MATN4: variants seen among roughly 807,000 people sequenced by gnomAD.
MATN4 encodes the protein matrilin-4.
Under a neutral mutation model 54.6 loss-of-function variants are expected in MATN4, and 40 were observed. The ratio of observed to expected loss-of-function variants is 0.73; its 90% CI spans 0.57 to 0.95. MATN4 has a LOEUF of 0.95. Ranked by LOEUF, MATN4 falls within the 40% of genes least tolerant of loss-of-function variation. MATN4 has a pLI of 0.00. For missense variants in MATN4, 810 were observed against 819.1 expected, an observed-to-expected ratio of 0.99 and a Z score of 0.13; for synonymous variants, 351 against 345.3, an observed-to-expected ratio of 1.02 and a Z score of -0.18.
chr20:45,304,558 C>T lies in MATN4; in HGVS notation c.313G>A (p.Val105Met). 1 of 1,597,246 alleles carries T rather than the reference C, an allele frequency of 6.3e-7. No homozygotes were observed. Among genetic ancestry groups the T allele is most frequent in the African/African-American group, 1.3e-5 (1 of 74,748 alleles). Reference protein sequence around the residue: ...EDMERAIRDLVPLAQGTMTGL... With the variant: ...EDMERAIRDLMPLAQGTMTGL... ...GTCATGGTGCCTTGCGCCAGAGGCA[C>T]CAGGTCGCGGATGGCGCGCTCCATG... The change falls in exon 3 of 10, where the codon GTG (valine) becomes ATG (methionine). Residue 105 changes from valine to methionine, a missense_variant. Coordinates refer to ENST00000372756, the MANE Select transcript of MATN4 (RefSeq NM_001393530.1).
At chr20:45,294,947 G>T (rs1312633299) in intron 8 of MATN4, among the ~76,000 whole-genome samples, 3 of 152,172 alleles carry the variant, frequency 2.0e-5, no homozygotes. Flanking sequence ...AGGGATCTAG[G>T]TTGCAGGCTT....
rs752477576 is a variant in MATN4 at position 45,301,021 on chromosome 20, G to A, written c.890-12C>T. ...GCAAAGGTCCCGGACTGAAAGGAGAGACAGGTCAGGATGAGTCAGGATGGA... is the reference window on the plus strand; with the variant it reads ...GCAAAGGTCCCGGACTGAAAGGAGAAACAGGTCAGGATGAGTCAGGATGGA... On this transcript the variant is annotated splice_polypyrimidine_tract_variant and intron_variant, in intron 5 of 9. Coordinates refer to ENST00000372756, the MANE Select transcript of MATN4 (RefSeq NM_001393530.1). The A allele has an allele frequency of 2.5e-6, 4 of 1,614,118 alleles. No homozygotes were observed. In the South Asian group the frequency reaches 4.4e-5, roughly 18 times the overall value.
rs775350186 is a variant in MATN4, at chr20:45,297,985, C to T, written c.1512G>A (p.Val504=). 1 of 1,614,182 alleles carries T rather than the reference C, an allele frequency of 6.2e-7. No homozygotes were observed. ...EIASEPAELH[V]SYAPDFGTMT... ...TGGTGCCGAAGTCCGGGGCATAGGACACGTGCAGTTCCGCTGGCTCCGAGG... is the reference window on the plus strand; with the variant it reads ...TGGTGCCGAAGTCCGGGGCATAGGATACGTGCAGTTCCGCTGGCTCCGAGG... Residue 504 remains valine, a synonymous_variant, in exon 8 of 10, where the codon GTG becomes GTA. Coordinates refer to ENST00000372756, the MANE Select transcript of MATN4 (RefSeq NM_001393530.1).
chr20:45,308,201 G>T lies in MATN4; in HGVS notation c.-61C>A, dbSNP rs148047841. ...TGAGCCTGCAGGACAGATCAGAGAT[G>T]CAGCTGCAGAGCGAAGCCGACAGGC... is the stretch of plus-strand genomic sequence containing the variant. On this transcript the variant is annotated 5_prime_UTR_variant, in exon 1 of 10. Transcript: ENST00000372756. 1.0e-4 allele frequency: 162 copies of T among 1,614,016 alleles called. No homozygotes were observed. Among genetic ancestry groups the T allele is most frequent in the Non-Finnish European group, 1.3e-4 (156 of 1,179,976 alleles).
intron 8 of MATN4, among the ~76,000 whole-genome samples, chr20:45,296,447 C>A (rs1375368912): frequency 2.0e-5 from 3 of 152,136 alleles, no homozygotes; most frequent in African/African-American, 7.2e-5. Flanking sequence ...GCAAAGACCC[C>A]TAACTTCACA....
chr20:45,301,467 T>A (rs1986229821), intron 3 of MATN4, 24 bp from the exon 4 acceptor site: 5 of 1,609,242 alleles, frequency 3.1e-6, no homozygotes, highest in Non-Finnish European at 3.4e-6. Flanking sequence ...GGGGTCAGTC[T>A]ATGCCCAGGA....
rs192697513 is a variant in MATN4, at chr20:45,305,362, C to T, written c.73+148G>A. 2.1e-3 allele frequency: 1,183 copies of T among 562,060 alleles called. 3 individuals are homozygous for T. The highest frequency in any genetic ancestry group is 3.0e-3 in the Non-Finnish European group (979 of 322,126). The allele number at this position is 562,060 out of a possible 1,614,324, so 34.8% of individuals were successfully genotyped here. ...CATCCTACAGATGAAGAAACTGAGG[C>T]CCAGAAAGGTGAAGTGGGGAACTTA... On this transcript the variant is annotated intron_variant, in intron 2 of 9. Coordinates refer to ENST00000372756, the MANE Select transcript of MATN4 (RefSeq NM_001393530.1).
chr20:45,304,686 C>G lies in MATN4; in HGVS notation c.185G>C (p.Arg62Pro), dbSNP rs912374134. The change falls in exon 3 of 10, where the codon CGA (arginine) becomes CCA (proline). Residue 62 changes from arginine (R) to proline (P), a missense_variant. Transcript: ENST00000372756. Reference protein sequence around the residue: ...TMRQFLMGLLRGLNVGPNATR... With the variant: ...TMRQFLMGLLPGLNVGPNATR... ...GGCGTTGGGACCCACGTTCAGGCCT[C>G]GGAGGAGGCCCATGAGGAACTGCCG... is the stretch of plus-strand genomic sequence containing the variant. The G allele has an allele frequency of 6.2e-7, 1 of 1,612,892 alleles. No homozygotes were observed. Among genetic ancestry groups the G allele is most frequent in the African/African-American group, 1.3e-5 (1 of 75,050 alleles).
chr20:45,304,198 G>A, intron 3 of MATN4, 30 bp downstream of exon 3: 4 of 1,452,040 alleles, frequency 2.8e-6, no homozygotes, highest in Non-Finnish European at 3.6e-6. Flanking sequence ...TTGAGAGTTC[G>A]AGCTTCACTC....
At chr20:45,299,372 G>A (rs777811350) in intron 6 of MATN4, among the ~76,000 whole-genome samples, 2 of 152,196 alleles carry the variant, frequency 1.3e-5, no homozygotes, top group Non-Finnish European at 2.9e-5. Flanking sequence ...TCCCAAGGTA[G>A]GAATAGTGTA....
At position 45,301,394 on chromosome 20, in the gene MATN4, G is replaced by A. The variant is rs761918820; in HGVS notation, c.693C>T (p.Val231=). 3.1e-6 allele frequency: 5 copies of A among 1,614,136 alleles called. No individual in the cohort carries two copies. Among genetic ancestry groups the A allele is most frequent in the Non-Finnish European group, 4.2e-6 (5 of 1,180,030 alleles). ...EGTHGCEHHC[V]NSPGSYFCHC... ...GACAGAAATAGGAGCCTGGGGAATT[G>A]ACGCAGTGGTGCTCACATCCATGGG... is the stretch of plus-strand genomic sequence containing the variant. Residue 231 remains valine (V), a synonymous_variant, in exon 4 of 10, where the codon GTC becomes GTT. Transcript: ENST00000372756.
intron 8 of MATN4, among the ~76,000 whole-genome samples, chr20:45,297,620 G>A (rs1463996187): frequency 1.3e-5 from 2 of 152,152 alleles, no homozygotes; most frequent in Non-Finnish European, 2.9e-5. Context: ...TGGGGGACAG[G>A]TAGCCTAGTC....
At chr20:45,294,422 ATGATGC>A (rs1423320550) in intron 8 of MATN4, among the ~76,000 whole-genome samples, 1 of 152,214 alleles carries the variant, frequency 6.6e-6, no homozygotes, top group African/African-American at 2.4e-5. Flanking sequence ...AAGCTCCCAA[ATGATGC>A]TGATGCTCCT....
chr20:45,303,019 G>T (rs1986329222), intron 3 of MATN4, among the ~76,000 whole-genome samples: 1 of 147,176 alleles, frequency 6.8e-6, no homozygotes, highest in African/African-American at 2.5e-5. Context: ...GGAGGCGGAG[G>T]TTGCAGTGAG....
At chr20:45,306,387 C>T (rs1986673309) in intron 1 of MATN4, among the ~76,000 whole-genome samples, 1 of 152,192 alleles carries the variant, frequency 6.6e-6, no homozygotes, top group Admixed American at 6.5e-5. Context: ...TTCTGTGAGC[C>T]AGCCTGGGCG....
chr20:45,301,091 G>T lies in MATN4; in HGVS notation c.889+11C>A. The T allele has an allele frequency of 6.2e-7, 1 of 1,614,080 alleles. No homozygotes were observed. Among genetic ancestry groups the T allele is most frequent in the Non-Finnish European group, 8.5e-7 (1 of 1,180,006 alleles). On this transcript the variant is annotated intron_variant, in intron 5 of 9. Transcript: ENST00000372756. ...TTACCCCTCCCACAAATGTAGGAGA[G>T]CCCTCCTCACCCTGACAGCTCCTCC...
At chr20:45,303,136 A>G (rs1176330332) in intron 3 of MATN4, among the ~76,000 whole-genome samples, 2 of 151,840 alleles carry the variant, frequency 1.3e-5, no homozygotes, top group African/African-American at 4.8e-5. Context: ...GAAAACAGAA[A>G]CAAGTTTGGG....
At chr20:45,302,198 C>CA (rs1986277726) in intron 3 of MATN4, among the ~76,000 whole-genome samples, 1 of 152,116 alleles carries the variant, frequency 6.6e-6, no homozygotes, top group Non-Finnish European at 1.5e-5. Flanking sequence ...CAAGAGGTGA[C>CA]AACCAGAAGA....
chr20:45,306,997 G>GGGC, intron 1 of MATN4: 1 of 1,127,932 alleles, frequency 8.9e-7, no homozygotes, highest in East Asian at 3.2e-5. Context: ...AACTACGAAG[G>GGGC]ACCACCCCCC....
Sources: allele counts gnomAD v4.1 joint callset (sites outside exome capture counted in the v4.1 genomes callset), GRCh38; gene constraint gnomAD v4.1.1; transcripts MANE v1.5; gene names NCBI Gene and HGNC (gene_info 2026-07-23, HGNC 2026-07-21).